THRB: variants seen among roughly 807,000 people sequenced by gnomAD.
THRB encodes nuclear receptor subfamily 1 group A member 2.
A neutral mutation model predicts 47.8 loss-of-function variants in THRB; 12 were observed. The ratio of observed to expected loss-of-function variants is 0.25; its 90% CI spans 0.16 to 0.41. THRB has a LOEUF of 0.41. THRB is among the 10% of genes least tolerant of loss of function. The pLI is 1.00. For missense variants in THRB, 348 were observed against 589.2 expected (o/e 0.59, Z 4.24); for synonymous variants, 218 against 212.2 (o/e 1.03, Z -0.24).
intron 5 of THRB, among the ~76,000 whole-genome samples, chr3:24,170,616 C>T (rs1248933810): frequency 2.0e-5 from 3 of 152,124 alleles, no homozygotes; most frequent in African/African-American, 4.8e-5. Flanking sequence ...CAAGTTTTTG[C>T]CTGCCTCAAT....
intron 3 of THRB, among the ~76,000 whole-genome samples, chr3:24,257,308 T>C (rs1307315995): frequency 1.3e-5 from 2 of 152,140 alleles, no homozygotes; most frequent in African/African-American, 4.8e-5. Flanking sequence ...ATTAAATAAT[T>C]CTACTCTGGG....
intron 1 of THRB, among the ~76,000 whole-genome samples, chr3:24,344,138 A>T (rs1016525441): frequency 2.6e-5 from 4 of 151,856 alleles, no homozygotes; most frequent in Non-Finnish European, 4.4e-5. Flanking sequence ...CTATTATACA[A>T]TTATCATAGT....
chr3:24,128,724 A>G (rs1417780465), intron 9 of THRB, among the ~76,000 whole-genome samples: 1 of 130,564 alleles, frequency 7.7e-6, no homozygotes, highest in Non-Finnish European at 1.6e-5. Context: ...TATTACTTAC[A>G]GATGTGGAAA....
rs186074173 is a variant in THRB, at chr3:24,479,153, T to A, written c.-261+15499A>T. On this transcript the variant is annotated intron_variant, in intron 1 of 10. Transcript: ENST00000646209. ...CTCTATTAAAAATACAAAAAAAAAA[T>A]TTGCCTGGCGTGGTGGTGGGCGCCT... 6.0e-3 allele frequency among the ~76,000 whole-genome samples: 917 copies of A among 151,654 alleles called. 7 individuals carry two copies. The highest frequency in any genetic ancestry group is 0.021 in the African/African-American group (869 of 41,340).
intron 2 of THRB, among the ~76,000 whole-genome samples, chr3:24,315,122 T>G (rs1490071613): frequency 1.3e-5 from 2 of 152,160 alleles, no homozygotes; most frequent in African/African-American, 4.8e-5. Context: ...AAGGATACAT[T>G]AGAATTTTAA....
At chr3:24,218,324 GTCTCTCTC>G (rs61594117) in intron 4 of THRB, among the ~76,000 whole-genome samples, 7 of 133,918 alleles carry the variant, frequency 5.2e-5, no homozygotes, top group African/African-American at 2.0e-4. Context: ...TAAATTTTTT[GTCTCTCTC>G]TCTCTCTCTC....
At chr3:24,396,406 A>T (rs1269894800) in intron 1 of THRB, among the ~76,000 whole-genome samples, 1 of 152,060 alleles carries the variant, frequency 6.6e-6, no homozygotes, top group African/African-American at 2.4e-5. Context: ...TTCAAGGGGT[A>T]AAATGCCACA....
At chr3:24,259,436 C>T (rs1334153644) in intron 3 of THRB, among the ~76,000 whole-genome samples, 1 of 152,104 alleles carries the variant, frequency 6.6e-6, no homozygotes, top group African/African-American at 2.4e-5. Flanking sequence ...CAGAAATGAA[C>T]ATGTTCTTAA....
At position 24,139,080 on chromosome 3, in the gene THRB, T is replaced by C. The variant is rs907282444; in HGVS notation, c.738+4421A>G. Among the ~76,000 whole-genome samples, 6 of 152,240 alleles carry C rather than the reference T, an allele frequency of 3.9e-5. No homozygotes were observed. The East Asian group carries it at 7.7e-4, about 20-fold the overall frequency. On this transcript the variant is annotated intron_variant, in intron 8 of 10. Transcript: ENST00000646209. ...TGGCATCAGATGCTGCTTGTTCTCT[T>C]CTCAGCCTGCTTCTGCTTTTCATCC...
At chr3:24,200,157 C>G (rs530817152) in intron 4 of THRB, among the ~76,000 whole-genome samples, 1 of 152,126 alleles carries the variant, frequency 6.6e-6, no homozygotes, top group Admixed American at 6.5e-5. Context: ...CACAAATGCA[C>G]ATAAAAGGGA....
intron 1 of THRB, among the ~76,000 whole-genome samples, chr3:24,436,147 G>T (rs1312850268): frequency 6.6e-6 from 1 of 151,968 alleles, no homozygotes; most frequent in Non-Finnish European, 1.5e-5. Flanking sequence ...ATATATCTGG[G>T]GGCAAGTGCA....
intron 3 of THRB, among the ~76,000 whole-genome samples, chr3:24,232,470 T>A (rs1281106378): frequency 2.0e-5 from 3 of 152,090 alleles, no homozygotes; most frequent in Non-Finnish European, 2.9e-5. Context: ...TTGGGGAGGA[T>A]TTTGAGTGGA....
chr3:24,200,391 G>A (rs891879343), intron 4 of THRB, among the ~76,000 whole-genome samples: 1 of 152,070 alleles, frequency 6.6e-6, no homozygotes, highest in Non-Finnish European at 1.5e-5. Context: ...ATGATTTGTG[G>A]ACAAAAATCA....
At chr3:24,198,723 T>C (rs532341306) in intron 4 of THRB, among the ~76,000 whole-genome samples, 1 of 152,286 alleles carries the variant, frequency 6.6e-6, no homozygotes, top group East Asian at 1.9e-4. Flanking sequence ...TGAGCTCTTG[T>C]TGGTGTATGT....
chr3:24,384,766 T>C (rs969379515), intron 1 of THRB, among the ~76,000 whole-genome samples: 2 of 152,146 alleles, frequency 1.3e-5, no homozygotes, highest in African/African-American at 2.4e-5. Context: ...TCAGAATTTA[T>C]TGATATGGAA....
chr3:24,240,250 T>C (rs947088136), intron 3 of THRB, among the ~76,000 whole-genome samples: 3 of 152,014 alleles, frequency 2.0e-5, no homozygotes, highest in East Asian at 1.9e-4. Flanking sequence ...TACCACTTGG[T>C]GTGGAGGATA....
At chr3:24,135,594 T>C (rs1164472318) in intron 8 of THRB, among the ~76,000 whole-genome samples, 4 of 152,002 alleles carry the variant, frequency 2.6e-5, no homozygotes, top group Non-Finnish European at 4.4e-5. Context: ...ACAGCCTCCT[T>C]CTACTTCCCT....
At chr3:24,131,017 G>A (rs1032849940) in intron 9 of THRB, among the ~76,000 whole-genome samples, 2 of 151,972 alleles carry the variant, frequency 1.3e-5, no homozygotes, top group Admixed American at 6.5e-5. Flanking sequence ...GACAGGTGCT[G>A]GTAACGATCT....
At chr3:24,132,308 T>A (rs576578044) in intron 9 of THRB, among the ~76,000 whole-genome samples, 2 of 152,232 alleles carry the variant, frequency 1.3e-5, no homozygotes, top group African/African-American at 4.8e-5. Context: ...TCTTACGAAA[T>A]TTTTTTAAAG....
Sources: allele counts gnomAD v4.1 joint callset (sites outside exome capture counted in the v4.1 genomes callset), GRCh38; gene constraint gnomAD v4.1.1; transcripts MANE v1.5; gene names NCBI Gene and HGNC (gene_info 2026-07-23, HGNC 2026-07-21).